Variants in KATNBL1 observed in about 807,000 individuals in gnomAD.
KATNBL1 encodes the protein katanin regulatory subunit B1 like 1, also known as KATNB1-like protein 1.
A neutral mutation model predicts 44.7 loss-of-function variants in KATNBL1; 28 were observed. That is an observed-to-expected ratio of 0.63 (90% confidence interval 0.46 to 0.86). The LOEUF is 0.86. KATNBL1 is among the 40% of genes least tolerant of loss of function. The pLI is 0.00. For synonymous variants in KATNBL1, 78 were observed against 114.9 expected (o/e 0.68, Z 2.06); for missense variants, 272 against 350.7 (o/e 0.78, Z 1.79).
rs1208333306 is a variant in KATNBL1, at chr15:34,147,211, G to A, written c.687C>T (p.Ser229=). 1 of 1,592,812 alleles carries A rather than the reference G, an allele frequency of 6.3e-7. No individual in the cohort carries two copies. Among genetic ancestry groups the A allele is most frequent in the Non-Finnish European group, 8.6e-7 (1 of 1,162,336 alleles). ...AGATTAGCACTTACTCTTCAAATTT[G>A]CTTTTAAGTAGTGACTTTACTAGAG... The part of the protein sequence containing the change: ...LLPLVKSLLK[S]KFEEYVIVGL... The change falls in exon 7 of 10, where the codon AGC becomes AGT. Residue 229 remains serine (S), a synonymous_variant. Transcript: ENST00000256544.
In KATNBL1 at chr15:34,148,719, A is replaced by C. The variant is rs1888382535; in HGVS notation, c.470T>G (p.Val157Gly). Residue 157 changes from valine to glycine, a missense_variant, in exon 5 of 10, where the codon GTT (valine) becomes GGT (glycine). Around this residue, in one of 3 missense-constraint regions of KATNBL1, gnomAD observed 111 missense variants for 149.3 expected, o/e 0.74. Transcript: ENST00000256544. ...VSQDHETMAQ[V>G]LFSRNMRLNV... ...CAATCTCATATTCCTGCTGAACAAA[A>C]CTTGGGCCATTGTTTCATGGTCCTG... The C allele has an allele frequency of 6.2e-7, 1 of 1,612,478 alleles. No individual in the cohort carries two copies. Among genetic ancestry groups the C allele is most frequent in the Non-Finnish European group, 8.5e-7 (1 of 1,178,498 alleles).
intron 2 of KATNBL1, among the ~76,000 whole-genome samples, chr15:34,155,001 A>C (rs948616014): frequency 3.9e-5 from 6 of 152,128 alleles, no homozygotes; most frequent in African/African-American, 1.4e-4. Flanking sequence ...AAGGATGGTT[A>C]CAGTGCAGGT....
intron 4 of KATNBL1, among the ~76,000 whole-genome samples, chr15:34,150,979 A>G (rs980506235): frequency 1.3e-5 from 2 of 152,136 alleles, no homozygotes; most frequent in Admixed American, 6.5e-5. Flanking sequence ...CATGGTGTAT[A>G]TGCACCATAT....
intron 1 of KATNBL1, among the ~76,000 whole-genome samples, chr15:34,164,278 T>C (rs1888898402): frequency 6.6e-6 from 1 of 152,236 alleles, no homozygotes; most frequent in African/African-American, 2.4e-5. Flanking sequence ...CTCCCCATTT[T>C]CCATGTCACT....
At chr15:34,157,088 G>A (rs1050775109) in intron 2 of KATNBL1, among the ~76,000 whole-genome samples, 50 of 152,186 alleles carry the variant, frequency 3.3e-4, no homozygotes, top group African/African-American at 1.1e-3. Context: ...CTGAAGTGGA[G>A]AGTTGCCTCT....
intron 1 of KATNBL1, among the ~76,000 whole-genome samples, chr15:34,173,180 C>T (rs1292759788): frequency 1.3e-5 from 2 of 150,360 alleles, no homozygotes; most frequent in Non-Finnish European, 3.0e-5. Context: ...AGAAAGAGTA[C>T]AAGACAGTAA....
intron 9 of KATNBL1, chr15:34,143,137 G>T: frequency 1.6e-6 from 1 of 626,142 alleles, no homozygotes; most frequent in Non-Finnish European, 2.4e-6. Context: ...AATAATAAAT[G>T]GTACCTTAAA....
intron 9 of KATNBL1, chr15:34,142,641 G>A: frequency 2.8e-6 from 1 of 355,588 alleles, no homozygotes; most frequent in Non-Finnish European, 5.1e-6. Context: ...AACATTCACA[G>A]AAATTCTATC....
At chr15:34,147,558 T>C (rs75426827) in intron 5 of KATNBL1, 128 bp from the exon 6 acceptor site, 26,486 of 722,920 alleles carry the variant, frequency 0.037, 691 homozygotes, top group Middle Eastern at 0.06. Context: ...CAATGAGTCA[T>C]GTCTGTGGAT....
intron 1 of KATNBL1, among the ~76,000 whole-genome samples, chr15:34,196,994 T>C (rs527349488): frequency 1.3e-5 from 2 of 152,250 alleles, no homozygotes; most frequent in African/African-American, 4.8e-5. Flanking sequence ...CTATTTCCAA[T>C]TGCTGTCTTC....
intron 2 of KATNBL1, among the ~76,000 whole-genome samples, chr15:34,158,480 C>A (rs1468640132): frequency 6.6e-6 from 1 of 152,184 alleles, no homozygotes; most frequent in Non-Finnish European, 1.5e-5. Flanking sequence ...GGTTGTTCCC[C>A]CAGCTTTCAA....
intron 1 of KATNBL1, among the ~76,000 whole-genome samples, chr15:34,181,870 C>CATATATATATATATATATATATAT (rs374057022): frequency 1.3e-3 from 92 of 72,960 alleles, no homozygotes; most frequent in Non-Finnish European, 1.9e-3. Context: ...TATATATATC[C>CATATATATATATATATATATATAT]ATATATATAT....
chr15:34,191,811 G>T (rs1889881712), intron 1 of KATNBL1, among the ~76,000 whole-genome samples: 1 of 151,808 alleles, frequency 6.6e-6, no homozygotes, highest in Non-Finnish European at 1.5e-5. Context: ...GCTGGGCGTG[G>T]TGGCGGGCGC....
chr15:34,207,278 G>A (rs572977391), intron 1 of KATNBL1, among the ~76,000 whole-genome samples: 54 of 152,134 alleles, frequency 3.5e-4, no homozygotes, highest in African/African-American at 1.1e-3. Context: ...GTGCGATCTC[G>A]GCTCACTGCA....
At chr15:34,198,236 T>A (rs912319333) in intron 1 of KATNBL1, 1 of 152,190 alleles carries the variant, frequency 6.6e-6, no homozygotes, top group African/African-American at 2.4e-5. Context: ...TACAGCTACA[T>A]CATAGCATGT....
chr15:34,151,592 C>A (rs1159335893), intron 4 of KATNBL1, among the ~76,000 whole-genome samples: 1 of 151,634 alleles, frequency 6.6e-6, no homozygotes, highest in East Asian at 1.9e-4. Context: ...GCTGGCATTA[C>A]AGGCGTGCAC....
chr15:34,171,833 AG>A (rs1889170527), intron 1 of KATNBL1, among the ~76,000 whole-genome samples: 1 of 151,868 alleles, frequency 6.6e-6, no homozygotes, highest in African/African-American at 2.4e-5. Context: ...AACTATCACA[AG>A]GGCAGAAAAC....
intron 1 of KATNBL1, among the ~76,000 whole-genome samples, chr15:34,196,548 C>T (rs1312173709): frequency 6.6e-6 from 1 of 151,718 alleles, no homozygotes; most frequent in Admixed American, 6.6e-5. Flanking sequence ...GCCAACATGG[C>T]GAAACCCAGT....
chr15:34,205,902 A>G (rs149487829), intron 1 of KATNBL1, among the ~76,000 whole-genome samples: 1 of 152,206 alleles, frequency 6.6e-6, no homozygotes, highest in Non-Finnish European at 1.5e-5. Context: ...ATCCTATCAT[A>G]TAAGTAGCTT....
Sources: allele counts gnomAD v4.1 joint callset (sites outside exome capture counted in the v4.1 genomes callset), GRCh38; gene constraint gnomAD v4.1.1; regional missense constraint gnomAD v4.1.1; transcripts MANE v1.5; gene names NCBI Gene and HGNC (gene_info 2026-07-23, HGNC 2026-07-21).